Variants in METTL15 observed in about 807,000 individuals in gnomAD.
METTL15 encodes the protein 12S rRNA N(4)-cytidine methyltransferase METTL15.
A neutral mutation model predicts 38.3 loss-of-function variants in METTL15; 34 were observed. The observed-to-expected ratio is 0.89, with a 90% CI of 0.68 to 1.18. METTL15 has a LOEUF of 1.18. Among genes scored for constraint, METTL15 ranks in the 50% most tolerant of loss-of-function variants. The pLI is 0.00. For missense variants in METTL15, 438 were observed against 498.4 expected (o/e 0.88, Z 1.15); for synonymous variants, 162 against 170.9 (o/e 0.95, Z 0.41).
At position 28,268,771 on chromosome 11, in the gene METTL15, G is replaced by A. The variant is rs534461840; in HGVS notation, c.408-21435G>A. Among the ~76,000 whole-genome samples, 29 of 152,246 alleles carry A rather than the reference G, an allele frequency of 1.9e-4. No homozygotes were observed. In the Middle Eastern group the frequency reaches 0.01, roughly 54 times the overall value. Reference sequence around the variant, plus strand: ...TCTGTAGACTTTCTTATTGTCCCATGTCCCTGATTAGGATATTATTATTAC... The same window carrying A: ...TCTGTAGACTTTCTTATTGTCCCATATCCCTGATTAGGATATTATTATTAC... On this transcript the variant is annotated intron_variant, in intron 4 of 6. Coordinates refer to ENST00000407364, the MANE Select transcript of METTL15 (RefSeq NM_001113528.2).
Position 28,240,823 on chromosome 11 carries a change from A to T in METTL15, c.407+29625A>T, listed in dbSNP as rs998674204. Reference sequence around the variant, plus strand: ...AGAGGAAAAGCATAGGGGATAGCCAAGTTTTTTTAATAAAGATTAAAAAAT... The same window carrying T: ...AGAGGAAAAGCATAGGGGATAGCCATGTTTTTTTAATAAAGATTAAAAAAT... On this transcript the variant is annotated intron_variant, in intron 4 of 6. Coordinates refer to ENST00000407364, the MANE Select transcript of METTL15 (RefSeq NM_001113528.2). 3.3e-5 allele frequency among the ~76,000 whole-genome samples: 5 copies of T among 152,340 alleles called. No homozygotes were observed. The East Asian group carries it at 9.7e-4, about 29-fold the overall frequency.
intron 6 of METTL15, among the ~76,000 whole-genome samples, chr11:28,456,344 C>T (rs2133451741): frequency 6.6e-6 from 1 of 152,230 alleles, no homozygotes; most frequent in Non-Finnish European, 1.5e-5. Flanking sequence ...TCAGAAGCAA[C>T]ACTTGAGCTT....
intron 3 of METTL15, among the ~76,000 whole-genome samples, chr11:28,157,624 G>T (rs896363720): frequency 6.6e-6 from 1 of 152,170 alleles, no homozygotes; most frequent in Non-Finnish European, 1.5e-5. Context: ...CATGAACTGG[G>T]TACTTTCTGG....
At chr11:28,308,521 C>T (rs142087419) in intron 6 of METTL15, among the ~76,000 whole-genome samples, 3 of 152,200 alleles carry the variant, frequency 2.0e-5, no homozygotes, top group Admixed American at 6.5e-5. Context: ...ATAGAATAGA[C>T]TCCTCCCAGG....
intron 6 of METTL15, among the ~76,000 whole-genome samples, chr11:28,314,294 T>C (rs1042512567): frequency 3.9e-5 from 6 of 152,190 alleles, no homozygotes; most frequent in African/African-American, 1.4e-4. Flanking sequence ...AAGTGTTCTA[T>C]TGCAGGTAAG....
chr11:28,297,072 T>C, intron 6 of METTL15, 141 bp downstream of exon 6: 1 of 851,728 alleles, frequency 1.2e-6, no homozygotes, highest in South Asian at 2.0e-5. Context: ...GTACTTGAAA[T>C]CCAGGATAGA....
intron 4 of METTL15, among the ~76,000 whole-genome samples, chr11:28,219,497 T>C (rs1345171281): frequency 6.6e-6 from 1 of 152,200 alleles, no homozygotes; most frequent in African/African-American, 2.4e-5. Context: ...TTGTTGACCT[T>C]TTCACAAAAC....
intron 6 of METTL15, among the ~76,000 whole-genome samples, chr11:28,323,960 A>C (rs960859489): frequency 6.6e-6 from 1 of 152,198 alleles, no homozygotes; most frequent in Admixed American, 6.5e-5. Context: ...GAGAGAAGTA[A>C]GTGCCAAATA....
At chr11:28,514,813 G>A (rs1409152301) in intron 6 of METTL15, among the ~76,000 whole-genome samples, 1 of 152,124 alleles carries the variant, frequency 6.6e-6, no homozygotes, top group Non-Finnish European at 1.5e-5. Flanking sequence ...AGGCACATTG[G>A]GTTCAAGCTG....
At chr11:28,275,064 GA>G (rs1207618383) in intron 4 of METTL15, among the ~76,000 whole-genome samples, 1 of 150,606 alleles carries the variant, frequency 6.6e-6, no homozygotes, top group Non-Finnish European at 1.5e-5. Context: ...CAAGGAACTA[GA>G]AAAACAAGAA....
At chr11:28,195,707 A>T (rs188457052) in intron 3 of METTL15, among the ~76,000 whole-genome samples, 15 of 151,950 alleles carry the variant, frequency 9.9e-5, no homozygotes, top group African/African-American at 3.6e-4. Context: ...GAAGCATTTT[A>T]GTTTAGTTAG....
chr11:28,388,653 C>A (rs902903135), intron 5 of METTL15, among the ~76,000 whole-genome samples: 1 of 152,056 alleles, frequency 6.6e-6, no homozygotes, highest in African/African-American at 2.4e-5. Flanking sequence ...AGACTCAATG[C>A]AATCTCCATC....
intron 3 of METTL15, among the ~76,000 whole-genome samples, chr11:28,177,768 G>A (rs1264713684): frequency 2.0e-5 from 3 of 151,856 alleles, no homozygotes; most frequent in Non-Finnish European, 4.4e-5. Context: ...ATCTGCTAGA[G>A]TTTTTTTGGG....
chr11:28,379,299 A>G (rs1850356600), intron 5 of METTL15, among the ~76,000 whole-genome samples: 1 of 152,008 alleles, frequency 6.6e-6, no homozygotes, highest in Non-Finnish European at 1.5e-5. Flanking sequence ...AAGGTGAATG[A>G]TCTACTTATT....
chr11:28,197,667 A>G (rs901632093), intron 3 of METTL15: 10 of 285,172 alleles, frequency 3.5e-5, no homozygotes, highest in Non-Finnish European at 5.8e-5. Flanking sequence ...GTAAGTTTCT[A>G]TTTCTCCCTG....
At chr11:28,132,817 T>C (rs1051431371) in intron 3 of METTL15, among the ~76,000 whole-genome samples, 7 of 152,180 alleles carry the variant, frequency 4.6e-5, no homozygotes, top group Non-Finnish European at 1.5e-5. Context: ...TCTTCTATTT[T>C]CCCCACTGCA....
intron 4 of METTL15, among the ~76,000 whole-genome samples, chr11:28,215,428 TG>T (rs1852821763): frequency 6.6e-6 from 1 of 151,990 alleles, no homozygotes; most frequent in South Asian, 2.1e-4. Context: ...GGGAATCTAG[TG>T]TGGCTCGCCT....
chr11:28,409,559 A>C (rs1022180256), intron 5 of METTL15, among the ~76,000 whole-genome samples: 1 of 152,080 alleles, frequency 6.6e-6, no homozygotes, highest in African/African-American at 2.4e-5. Context: ...CAAAAGGCAA[A>C]TTTTAAAGTA....
At position 28,267,553 on chromosome 11, in the gene METTL15, C is replaced by T. The variant is rs139622865; in HGVS notation, c.408-22653C>T. Among the ~76,000 whole-genome samples, 820 of 152,314 alleles carry T rather than the reference C, an allele frequency of 5.4e-3. 6 individuals are homozygous for T. The highest frequency in any genetic ancestry group is 1.0e-2 in the Admixed American group (153 of 15,302). ...TTTACTTATTTGTAGTGTTTACTAT[C>T]TCCCACTCCCATTAGAATATCAGCT... On this transcript the variant is annotated intron_variant, in intron 4 of 6. Transcript: ENST00000407364.
Sources: allele counts gnomAD v4.1 joint callset (sites outside exome capture counted in the v4.1 genomes callset), GRCh38; gene constraint gnomAD v4.1.1; transcripts MANE v1.5; gene names NCBI Gene and HGNC (gene_info 2026-07-23, HGNC 2026-07-21).